Variants in CEP85L observed in about 807,000 individuals in gnomAD.
CEP85L encodes centrosomal protein of 85 kDa-like.
A neutral mutation model predicts 100.3 loss-of-function variants in CEP85L; 60 were observed. The observed-to-expected ratio is 0.60, with a 90% CI of 0.49 to 0.74. The LOEUF is 0.74. Ranked by LOEUF, CEP85L falls within the 30% of genes least tolerant of loss-of-function variation. The pLI is 0.00. For synonymous variants in CEP85L, 319 were observed against 322.7 expected (o/e 0.99, Z 0.12); for missense variants, 973 against 936.2 (o/e 1.04, Z -0.51).
At chr6:118,704,766 T>C (rs1030983281) in intron 1 of CEP85L, among the ~76,000 whole-genome samples, 10 of 152,168 alleles carry the variant, frequency 6.6e-5, no homozygotes, top group African/African-American at 2.2e-4. Context: ...CCACCACGCC[T>C]GGCCAAAAGA....
At chr6:118,589,852 T>C (rs1387492245) in intron 2 of CEP85L, among the ~76,000 whole-genome samples, 1 of 152,254 alleles carries the variant, frequency 6.6e-6, no homozygotes, top group Non-Finnish European at 1.5e-5. Context: ...TGTGCCATCC[T>C]GTTAGATATT....
intron 5 of CEP85L, among the ~76,000 whole-genome samples, chr6:118,498,620 A>AGG (rs1775078133): frequency 7.2e-6 from 1 of 139,664 alleles, no homozygotes; most frequent in African/African-American, 2.6e-5. Flanking sequence ...AAATAGAGAG[A>AGG]GAGAAAGGAA....
chr6:118,580,689 T>TGG (rs1780523966), intron 2 of CEP85L, among the ~76,000 whole-genome samples: 1 of 152,230 alleles, frequency 6.6e-6, no homozygotes, highest in South Asian at 2.1e-4. Flanking sequence ...GGGCACACCC[T>TGG]GGTGTGACTC....
intron 1 of CEP85L, among the ~76,000 whole-genome samples, chr6:118,685,606 A>C (rs1776803980): frequency 6.6e-6 from 1 of 152,228 alleles, no homozygotes; most frequent in African/African-American, 2.4e-5. Flanking sequence ...AATTTTGAGG[A>C]TGTTCTTGAG....
chr6:118,622,409 A>C lies in CEP85L; in HGVS notation c.232+10044T>G, dbSNP rs534113557. Among the ~76,000 whole-genome samples the C allele has an allele frequency of 2.6e-5, 4 of 152,300 alleles. No homozygotes were observed. In the South Asian group the frequency reaches 8.3e-4, roughly 32 times the overall value. Reference sequence around the variant, plus strand: ...TAACTGCCACCAAATTATTGCCCAGACTTATGCCGCCTGGGAGGATCTCTT... The same window carrying C: ...TAACTGCCACCAAATTATTGCCCAGCCTTATGCCGCCTGGGAGGATCTCTT... On this transcript the variant is annotated intron_variant, in intron 2 of 12. Transcript: ENST00000368491.
intron 1 of CEP85L, among the ~76,000 whole-genome samples, chr6:118,661,484 A>T (rs1775972073): frequency 6.6e-6 from 1 of 152,068 alleles, no homozygotes; most frequent in South Asian, 2.1e-4. Flanking sequence ...TTTATAAATA[A>T]TAAAATTTTA....
chr6:118,486,580 T>C (rs943093571), intron 6 of CEP85L, among the ~76,000 whole-genome samples: 8 of 152,158 alleles, frequency 5.3e-5, no homozygotes, highest in African/African-American at 1.9e-4. Context: ...GTGCTGTTTG[T>C]TGATTTGTTA....
Position 118,511,421 on chromosome 6 carries a change from A to G in CEP85L, c.1140-6T>C, listed in dbSNP as rs780626697. 1 of 1,563,846 alleles carries G rather than the reference A, an allele frequency of 6.4e-7. No individual in the cohort carries two copies. Among genetic ancestry groups the G allele is most frequent in the South Asian group, 1.1e-5 (1 of 89,856 alleles). ...GGGTAATTTGTTGCTTCTGCCTGCA[A>G]AACATAAATTAAGGTCACATTATGA... On this transcript the variant is annotated splice_polypyrimidine_tract_variant and splice_region_variant and intron_variant, in intron 4 of 12. Coordinates refer to ENST00000368491, the MANE Select transcript of CEP85L (RefSeq NM_001042475.3).
Position 118,548,750 on chromosome 6 carries a change from A to G in CEP85L, c.1020+16779T>C, listed in dbSNP as rs181816543. ...GTAGTAGTGGTTAATTTCTCCATGC[A>G]AAAACAATGACTTAATTTTGTTATT... On this transcript the variant is annotated intron_variant, in intron 3 of 12. Coordinates refer to ENST00000368491, the MANE Select transcript of CEP85L (RefSeq NM_001042475.3). Among the ~76,000 whole-genome samples, 29 of 152,224 alleles carry G rather than the reference A, an allele frequency of 1.9e-4. No homozygotes were observed. In the East Asian group the frequency reaches 3.7e-3, roughly 19 times the overall value.
At chr6:118,652,014 G>T, upstream of CEP85L, 2 of 570,166 alleles carry the variant, frequency 3.5e-6, no homozygotes, top group Non-Finnish European at 4.4e-6. Context: ...TTAGGATTGG[G>T]ATTTAAATCC....
At chr6:118,584,493 G>A (rs1780747682) in intron 2 of CEP85L, among the ~76,000 whole-genome samples, 1 of 152,180 alleles carries the variant, frequency 6.6e-6, no homozygotes, top group Admixed American at 6.5e-5. Context: ...TTTTAACCTG[G>A]GAATCTGAAG....
chr6:118,596,494 A>G (rs1781462454), intron 2 of CEP85L, among the ~76,000 whole-genome samples: 1 of 152,168 alleles, frequency 6.6e-6, no homozygotes, highest in African/African-American at 2.4e-5. Context: ...GCTCCCATAA[A>G]TTAAAAATCA....
chr6:118,644,537 T>C (rs187305952), intron 1 of CEP85L, among the ~76,000 whole-genome samples: 1 of 152,224 alleles, frequency 6.6e-6, no homozygotes, highest in East Asian at 1.9e-4. Flanking sequence ...AAATTTCACA[T>C]GGCCAAAAAG....
intron 11 of CEP85L, among the ~76,000 whole-genome samples, chr6:118,469,606 T>C (rs560218124): frequency 1.3e-5 from 2 of 152,130 alleles, no homozygotes; most frequent in Admixed American, 6.6e-5. Flanking sequence ...TGGTTGTGTA[T>C]GTATTTTTCT....
chr6:118,631,809 G>A (rs532742297), intron 2 of CEP85L, among the ~76,000 whole-genome samples: 2 of 152,288 alleles, frequency 1.3e-5, no homozygotes, highest in South Asian at 2.1e-4. Context: ...AGGAGAGGGG[G>A]CAGAGAGAGA....
At chr6:118,548,340 G>GT (rs1195816758) in intron 3 of CEP85L, 3 of 151,990 alleles carry the variant, frequency 2.0e-5, no homozygotes, top group African/African-American at 4.8e-5. Context: ...CTAAACACCC[G>GT]TAAGACTTCA....
At chr6:118,542,785 C>G (rs9489432) in intron 3 of CEP85L, among the ~76,000 whole-genome samples, 107,085 of 150,894 alleles carry the variant, frequency 0.71, 38,672 homozygotes, top group African/African-American at 0.75. Flanking sequence ...AACCACAATG[C>G]AGTCACTCTG....
At chr6:118,595,249 TG>T (rs1468354039) in intron 2 of CEP85L, among the ~76,000 whole-genome samples, 1 of 148,270 alleles carries the variant, frequency 6.7e-6, no homozygotes, top group African/African-American at 2.5e-5. Flanking sequence ...TGTTACAATT[TG>T]GTAGCCTGGT....
At chr6:118,651,659 A>T (rs2115388406), upstream of CEP85L, 1 of 957,646 alleles carries the variant, frequency 1.0e-6, no homozygotes. Flanking sequence ...TCGGGCAATG[A>T]CTTCAGGCGT....
Sources: allele counts gnomAD v4.1 joint callset (sites outside exome capture counted in the v4.1 genomes callset), GRCh38; gene constraint gnomAD v4.1.1; transcripts MANE v1.5; gene names NCBI Gene and HGNC (gene_info 2026-07-23, HGNC 2026-07-21).